Variants in DOK6 observed in about 807,000 individuals in gnomAD.
DOK6 encodes docking protein 6.
Under a neutral mutation model 44.0 loss-of-function variants are expected in DOK6, and 22 were observed. The ratio of observed to expected loss-of-function variants is 0.50; its 90% CI spans 0.36 to 0.71. The LOEUF (loss-of-function observed/expected upper bound fraction) is 0.71. DOK6 is among the 30% of genes least tolerant of loss of function. DOK6 has a pLI of 0.00. For missense variants in DOK6, 340 were observed against 416.4 expected, an observed-to-expected ratio of 0.82 and a Z score of 1.60; for synonymous variants, 166 against 145.5, an observed-to-expected ratio of 1.14 and a Z score of -1.01.
At chr18:69,778,187 G>C (rs1045097713) in intron 7 of DOK6, among the ~76,000 whole-genome samples, 6 of 152,106 alleles carry the variant, frequency 3.9e-5, no homozygotes, top group Non-Finnish European at 7.4e-5. Flanking sequence ...TCAAATAATG[G>C]AATTGAACAT....
chr18:69,777,155 GAC>G (rs1188373557), intron 7 of DOK6, among the ~76,000 whole-genome samples: 2 of 145,302 alleles, frequency 1.4e-5, no homozygotes, highest in Non-Finnish European at 3.0e-5. Context: ...AAAAAAAAAA[GAC>G]AGGATAAAAA....
intron 7 of DOK6, among the ~76,000 whole-genome samples, chr18:69,779,958 T>C (rs1163793251): frequency 6.6e-6 from 1 of 152,178 alleles, no homozygotes; most frequent in Non-Finnish European, 1.5e-5. Flanking sequence ...TAGTATCCTA[T>C]TTATTGTGTT....
chr18:69,432,461 T>A (rs1241062798), intron 1 of DOK6, among the ~76,000 whole-genome samples: 1 of 147,782 alleles, frequency 6.8e-6, no homozygotes, highest in Non-Finnish European at 1.5e-5. Context: ...GAGAAAAAAG[T>A]TTGCCATTCT....
At chr18:69,765,095 T>C (rs1466612876) in intron 7 of DOK6, among the ~76,000 whole-genome samples, 1 of 152,212 alleles carries the variant, frequency 6.6e-6, no homozygotes, top group Non-Finnish European at 1.5e-5. Context: ...AGGAGGTAAA[T>C]CAAAGACTTT....
At chr18:69,624,629 T>C (rs528454614) in intron 3 of DOK6, among the ~76,000 whole-genome samples, 1 of 152,242 alleles carries the variant, frequency 6.6e-6, no homozygotes, top group South Asian at 2.1e-4. Context: ...CATGAGAGTA[T>C]TACTTACTGG....
intron 3 of DOK6, among the ~76,000 whole-genome samples, chr18:69,653,835 A>T (rs534525708): frequency 7.6e-6 from 1 of 131,040 alleles, no homozygotes; most frequent in South Asian, 2.4e-4. Flanking sequence ...AAACATACAA[A>T]TTATCCCTAT....
At chr18:69,428,268 G>C (rs1447830652) in intron 1 of DOK6, among the ~76,000 whole-genome samples, 1 of 151,788 alleles carries the variant, frequency 6.6e-6, no homozygotes, top group African/African-American at 2.4e-5. Flanking sequence ...TCTTTGTTTT[G>C]TGCCCACACA....
chr18:69,535,174 C>T (rs1982088578), intron 1 of DOK6, among the ~76,000 whole-genome samples: 4 of 152,050 alleles, frequency 2.6e-5, no homozygotes, highest in African/African-American at 7.2e-5. Context: ...AATCACCGTA[C>T]GTTGTGCATG....
intron 7 of DOK6, among the ~76,000 whole-genome samples, chr18:69,829,939 T>C (rs1981854554): frequency 6.6e-6 from 1 of 152,180 alleles, no homozygotes; most frequent in African/African-American, 2.4e-5. Context: ...TGACAGTTTA[T>C]GTCAGAAACC....
intron 1 of DOK6, among the ~76,000 whole-genome samples, chr18:69,541,941 T>C (rs1477786143): frequency 6.6e-6 from 1 of 151,484 alleles, no homozygotes; most frequent in Non-Finnish European, 1.5e-5. Flanking sequence ...CATAAATAAG[T>C]AAATAAATAA....
intron 5 of DOK6, among the ~76,000 whole-genome samples, chr18:69,710,644 G>A (rs902527538): frequency 1.1e-4 from 17 of 152,222 alleles, no homozygotes; most frequent in African/African-American, 3.9e-4. Flanking sequence ...CTAATGTAGA[G>A]CAAAATTAGT....
chr18:69,635,813 T>C (rs1457114585), intron 3 of DOK6, among the ~76,000 whole-genome samples: 3 of 152,232 alleles, frequency 2.0e-5, no homozygotes, highest in Non-Finnish European at 4.4e-5. Flanking sequence ...AGAGGTGCAA[T>C]GTTGGGGGTT....
intron 1 of DOK6, among the ~76,000 whole-genome samples, chr18:69,450,722 C>A (rs1225926079): frequency 4.0e-5 from 6 of 150,110 alleles, no homozygotes; most frequent in Non-Finnish European, 7.5e-5. Context: ...TTGGCAGAAA[C>A]CCTACAAGCC....
intron 6 of DOK6, 126 bp downstream of exon 6, chr18:69,739,229 G>T (rs2164489): frequency 0.64 from 805,680 of 1,253,606 alleles, 267,082 homozygotes; most frequent in Non-Finnish European, 0.68. Context: ...GATCCTGAGG[G>T]CTTACCCTAC....
chr18:69,498,498 A>G (rs1172855624), intron 1 of DOK6, among the ~76,000 whole-genome samples: 2 of 152,174 alleles, frequency 1.3e-5, no homozygotes, highest in African/African-American at 4.8e-5. Context: ...TTTAAAGACT[A>G]TAATTCTTTA....
intron 3 of DOK6, among the ~76,000 whole-genome samples, chr18:69,667,474 A>G (rs1335850513): frequency 6.6e-6 from 1 of 152,214 alleles, no homozygotes; most frequent in African/African-American, 2.4e-5. Context: ...TTTCCTTATT[A>G]AGGGAGCTAA....
At chr18:69,735,471 C>A (rs1344643708) in intron 5 of DOK6, among the ~76,000 whole-genome samples, 2 of 152,216 alleles carry the variant, frequency 1.3e-5, no homozygotes, top group Non-Finnish European at 2.9e-5. Context: ...GGGATAAAGG[C>A]CAGGAGAGAC....
At chr18:69,401,909 G>T (rs965974515) in intron 1 of DOK6, among the ~76,000 whole-genome samples, 1 of 152,184 alleles carries the variant, frequency 6.6e-6, no homozygotes, top group African/African-American at 2.4e-5. Flanking sequence ...CCCCGCGCCC[G>T]CCCGCGGTCA....
At chr18:69,631,182 A>T (rs1035771595) in intron 3 of DOK6, among the ~76,000 whole-genome samples, 3 of 152,206 alleles carry the variant, frequency 2.0e-5, no homozygotes, top group African/African-American at 7.2e-5. Context: ...AACATCAAGG[A>T]AATATATACA....
Sources: gnomAD v4.1 joint callset for allele counts (sites outside exome capture counted in the v4.1 genomes callset) on GRCh38, gnomAD v4.1.1 for gene constraint, MANE v1.5 for transcripts, NCBI Gene and HGNC (gene_info 2026-07-23, HGNC 2026-07-21) for gene names.